Variants in RIC8B observed in about 807,000 individuals in gnomAD.
RIC8B encodes chaperone Ric-8B.
Under a neutral mutation model 57.5 loss-of-function variants are expected in RIC8B, and 16 were observed. The observed-to-expected ratio is 0.28, with a 90% CI of 0.19 to 0.42. The LOEUF is 0.42. Ranked by LOEUF, RIC8B falls within the 10% of genes least tolerant of loss-of-function variation. RIC8B has a pLI of 1.00. For missense variants in RIC8B, 481 were observed against 677.0 expected (o/e 0.71, Z 3.21); for synonymous variants, 216 against 250.8 (o/e 0.86, Z 1.31).
chr12:106,854,048 T>C (rs1003854727), intron 7 of RIC8B, among the ~76,000 whole-genome samples: 1 of 152,044 alleles, frequency 6.6e-6, no homozygotes, highest in Non-Finnish European at 1.5e-5. Flanking sequence ...GGGGAGACAA[T>C]TGGCTGGTGT....
At position 106,887,574 on chromosome 12, in the gene RIC8B, T is replaced by C. The variant is rs1212155311; in HGVS notation, c.*1559T>C. 1 of 152,220 alleles carries C rather than the reference T, an allele frequency of 6.6e-6. No homozygotes were observed. Among genetic ancestry groups the C allele is most frequent in the African/African-American group, 2.4e-5 (1 of 41,454 alleles). The allele number at this position is 152,220 out of a possible 1,614,324, so 9.4% of individuals were successfully genotyped here. A position where few individuals can be genotyped will look rare whatever the true frequency, so the allele number is the denominator to read the frequency against. Reference sequence around the variant, plus strand: ...GGAGAGATCTTCAAGAATATCACTCTTAGACTCTGAACTGAAATTTGCATA... The same window carrying C: ...GGAGAGATCTTCAAGAATATCACTCCTAGACTCTGAACTGAAATTTGCATA... On this transcript the variant is annotated 3_prime_UTR_variant, in exon 10 of 10. Coordinates refer to ENST00000392837, the MANE Select transcript of RIC8B (RefSeq NM_001330145.2).
intron 1 of RIC8B, among the ~76,000 whole-genome samples, chr12:106,779,574 T>TA (rs2043654469): frequency 1.3e-5 from 2 of 150,410 alleles, no homozygotes; most frequent in Admixed American, 1.3e-4. Flanking sequence ...TAATACGTAA[T>TA]ACAATGTGAA....
At chr12:106,873,321 C>A in intron 9 of RIC8B, 1 of 279,982 alleles carries the variant, frequency 3.6e-6, no homozygotes, top group Non-Finnish European at 5.4e-6. Flanking sequence ...GTGTGTTGGG[C>A]GTTTTACATT....
chr12:106,778,243 A>AC (rs2043581389), intron 1 of RIC8B, among the ~76,000 whole-genome samples: 1 of 152,178 alleles, frequency 6.6e-6, no homozygotes, highest in South Asian at 2.1e-4. Flanking sequence ...TTTTAGAGAT[A>AC]CCTGTCGGGC....
chr12:106,807,659 T>TA (rs2045104668), intron 2 of RIC8B, among the ~76,000 whole-genome samples: 1 of 152,228 alleles, frequency 6.6e-6, no homozygotes, highest in South Asian at 2.1e-4. Context: ...CCACAGTTGT[T>TA]ACTGCATGAG....
chr12:106,851,457 C>T lies in RIC8B; in HGVS notation c.1169C>T (p.Pro390Leu), dbSNP rs1331143482. 6.2e-7 allele frequency: 1 copy of T among 1,613,080 alleles called. No individual in the cohort carries two copies. The highest frequency in any genetic ancestry group is 8.5e-7 in the Non-Finnish European group (1 of 1,179,602). The change falls in exon 7 of 10, where the codon CCA (proline) becomes CTA (leucine). Residue 390 changes from proline (P) to leucine (L), a missense_variant. Pro to Leu is a moderately conservative substitution (Grantham distance 98). This residue lies in a region of RIC8B where 421 missense variants were observed against 560.9 expected (regional missense o/e 0.75). Coordinates refer to ENST00000392837, the MANE Select transcript of RIC8B (RefSeq NM_001330145.2). ...TTGCATTTGTGCCATCAGGTTTTAC[C>T]ACCGTTGAGGGATGTGACAAATCGA... ...IRKFLKDQVL[P>L]PLRDVTNRPE...
chr12:106,816,365 T>C (rs2045576147), intron 3 of RIC8B, among the ~76,000 whole-genome samples: 1 of 152,218 alleles, frequency 6.6e-6, no homozygotes, highest in Non-Finnish European at 1.5e-5. Context: ...CAAATAGATC[T>C]GTATTTTGAA....
intron 9 of RIC8B, chr12:106,873,234 G>A (rs1950523249): frequency 2.1e-6 from 2 of 970,218 alleles, no homozygotes; most frequent in South Asian, 4.8e-5. Context: ...GGCTTTGATG[G>A]TATCAATTTT....
rs550936633 is a variant in RIC8B at position 106,889,135 on chromosome 12, C to G, written c.*3120C>G. The G allele has an allele frequency of 6.6e-5, 10 of 151,980 alleles. No homozygotes were observed. Among genetic ancestry groups the G allele is most frequent in the Admixed American group, 1.3e-4 (2 of 15,260 alleles). 9.4% of individuals were successfully genotyped at this position (151,980 alleles called of 1,614,324 possible). ...TAAAATTAATAATTTACCCCAAATC[C>G]CACCATCCTGAGATCATCACTGTTA... On this transcript the variant is annotated 3_prime_UTR_variant, in exon 10 of 10. Transcript: ENST00000392837.
rs1424918850 is a variant in RIC8B at position 106,886,438 on chromosome 12, A to G, written c.*423A>G. On this transcript the variant is annotated 3_prime_UTR_variant, in exon 10 of 10. Coordinates refer to ENST00000392837, the MANE Select transcript of RIC8B (RefSeq NM_001330145.2). ...CGTGAGAAGCAGAAAGAGCTGGTAA[A>G]TAAAGCCTTGGGCAAGCGACTTCTT... 1 of 159,538 alleles carries G rather than the reference A, an allele frequency of 6.3e-6. No individual in the cohort carries two copies. The highest frequency in any genetic ancestry group is 2.4e-5 in the African/African-American group (1 of 41,590). The allele number at this position is 159,538 out of a possible 1,614,324, so 9.9% of individuals were successfully genotyped here.
intron 6 of RIC8B, among the ~76,000 whole-genome samples, chr12:106,845,756 C>G (rs1949160028): frequency 1.3e-5 from 2 of 152,130 alleles, no homozygotes; most frequent in South Asian, 4.1e-4. Context: ...TGTACTCACT[C>G]TCTCTATTCT....
intron 6 of RIC8B, among the ~76,000 whole-genome samples, chr12:106,845,541 T>G (rs1174561842): frequency 6.6e-6 from 1 of 152,202 alleles, no homozygotes; most frequent in Non-Finnish European, 1.5e-5. Context: ...CCTGGATCTC[T>G]TTCTCTCTCA....
chr12:106,803,215 C>CAAAAAAAAAAAAAAAAAAAAAAA (rs55853235), intron 2 of RIC8B, among the ~76,000 whole-genome samples: 1 of 84,000 alleles, frequency 1.2e-5, no homozygotes, highest in African/African-American at 4.9e-5. Flanking sequence ...TACCCTGTCT[C>CAAAAAAAAAAAAAAAAAAAAAAA]AAAAAAAAAA....
rs531975972 is a variant in RIC8B at position 106,872,212 on chromosome 12, A to G, written c.1571+1270A>G. On this transcript the variant is annotated intron_variant, in intron 9 of 9. Coordinates refer to ENST00000392837, the MANE Select transcript of RIC8B (RefSeq NM_001330145.2). Reference sequence around the variant, plus strand: ...GTATAGAACAGAAATGTTCCCTCCCAGAAGGGATTAATAGTCACAGAGAAG... The same window carrying G: ...GTATAGAACAGAAATGTTCCCTCCCGGAAGGGATTAATAGTCACAGAGAAG... 1.1e-3 allele frequency among the ~76,000 whole-genome samples: 167 copies of G among 152,338 alleles called. 1 individual carries two copies. The highest frequency in any genetic ancestry group is 1.4e-3 in the Non-Finnish European group (95 of 68,026).
chr12:106,792,986 C>T (rs1487267954), intron 2 of RIC8B, among the ~76,000 whole-genome samples: 1 of 152,194 alleles, frequency 6.6e-6, no homozygotes, highest in Non-Finnish European at 1.5e-5. Context: ...GGAATGTCAG[C>T]ATTTCTCATC....
At chr12:106,793,479 C>T (rs546842340) in intron 2 of RIC8B, among the ~76,000 whole-genome samples, 1 of 152,262 alleles carries the variant, frequency 6.6e-6, no homozygotes, top group Admixed American at 6.5e-5. Flanking sequence ...ACCCAAAGGC[C>T]AGCTACTTTG....
intron 1 of RIC8B, 28 bp from the exon 2 acceptor site, chr12:106,783,969 G>T: frequency 6.2e-7 from 1 of 1,606,030 alleles, no homozygotes; most frequent in South Asian, 1.1e-5. Context: ...TATTTAAAAT[G>T]ACATTGTTTC....
intron 8 of RIC8B, among the ~76,000 whole-genome samples, chr12:106,869,477 G>A (rs1012331262): frequency 4.0e-5 from 6 of 150,488 alleles, no homozygotes; most frequent in South Asian, 2.1e-4. Flanking sequence ...ACTGGGCACC[G>A]TTTTCCAGTT....
chr12:106,851,132 A>C (rs1247090404), intron 6 of RIC8B, among the ~76,000 whole-genome samples: 1 of 152,104 alleles, frequency 6.6e-6, no homozygotes, highest in African/African-American at 2.4e-5. Flanking sequence ...AAACTTCAAA[A>C]TGGATTTTCA....
Sources: allele counts gnomAD v4.1 joint callset (sites outside exome capture counted in the v4.1 genomes callset), GRCh38; gene constraint gnomAD v4.1.1; regional missense constraint gnomAD v4.1.1; transcripts MANE v1.5; gene names NCBI Gene and HGNC (gene_info 2026-07-23, HGNC 2026-07-21).